SLC38A9: variants seen among roughly 807,000 people sequenced by gnomAD.
The protein encoded by SLC38A9 is neutral amino acid transporter 9.
In SLC38A9, 48 loss-of-function variants were observed where a neutral mutation model predicts 62.3. That is an observed-to-expected ratio of 0.77 (90% CI 0.61 to 0.98). The LOEUF (loss-of-function observed/expected upper bound fraction) is 0.98, where lower values mean the gene tolerates loss of function less well. SLC38A9 is among the 50% of genes least tolerant of loss of function. SLC38A9 has a pLI of 0.00. For missense variants in SLC38A9, 541 were observed against 679.8 expected (o/e 0.80, Z 2.27); for synonymous variants, 204 against 227.7 (o/e 0.90, Z 0.94).
At chr5:55,666,173 T>C (rs1264266412) in intron 7 of SLC38A9, among the ~76,000 whole-genome samples, 1 of 152,100 alleles carries the variant, frequency 6.6e-6, no homozygotes, top group Admixed American at 6.6e-5. Flanking sequence ...AAATACAATA[T>C]GATTAACTTT....
Position 55,652,708 on chromosome 5 carries a change from G to C in SLC38A9, c.773C>G (p.Ala258Gly). 1 of 1,611,210 alleles carries C rather than the reference G, an allele frequency of 6.2e-7. No homozygotes were observed. The highest frequency in any genetic ancestry group is 8.5e-7 in the Non-Finnish European group (1 of 1,178,550). ...GTTGTCAGGATGGCCTCCACTCCCG[G>C]CACTTGGACAAATCACTGCAATAGG... Reference protein sequence around the residue: ...NNSNPVICPSAGSGGHPDNSS... With the variant: ...NNSNPVICPSGGSGGHPDNSS... Residue 258 changes from alanine (A) to glycine (G), a missense_variant, in exon 10 of 16, where the codon GCC becomes GGC. Transcript: ENST00000396865.
chr5:55,700,909 T>C (rs755070901), intron 2 of SLC38A9, among the ~76,000 whole-genome samples: 14 of 152,188 alleles, frequency 9.2e-5, no homozygotes, highest in Non-Finnish European at 1.8e-4. Context: ...ATTTCTCAGA[T>C]CCCTTTACAG....
chr5:55,651,332 C>T (rs113638711), intron 10 of SLC38A9, among the ~76,000 whole-genome samples: 6,066 of 145,114 alleles, frequency 0.042, 199 homozygotes, highest in African/African-American at 0.089. Context: ...CTCACTGCAA[C>T]CTCCACCTCC....
intron 11 of SLC38A9, among the ~76,000 whole-genome samples, chr5:55,648,653 C>G (rs1383944315): frequency 6.6e-6 from 1 of 152,106 alleles, no homozygotes; most frequent in Non-Finnish European, 1.5e-5. Flanking sequence ...AGAAGAAGCA[C>G]TTCAGAAAAG....
chr5:55,696,666 A>C (rs1443450740), intron 3 of SLC38A9: 28 of 31,650 alleles, frequency 8.8e-4, no homozygotes, highest in Non-Finnish European at 1.1e-3. Context: ...GGCGCCCCTC[A>C]CCTCCCGGAC....
intron 3 of SLC38A9, chr5:55,694,046 AT>A: frequency 6.3e-6 from 1 of 158,606 alleles, no homozygotes; most frequent in Non-Finnish European, 1.4e-5. Flanking sequence ...ACAAAATAAA[AT>A]TTAAAAAAAA....
chr5:55,692,597 G>A (rs2150550038), intron 3 of SLC38A9: 1 of 983,094 alleles, frequency 1.0e-6, no homozygotes. Flanking sequence ...TACCTAGGTA[G>A]TTATGCCATG....
At chr5:55,709,611 A>G (rs759752053) in intron 2 of SLC38A9, among the ~76,000 whole-genome samples, 1 of 152,154 alleles carries the variant, frequency 6.6e-6, no homozygotes, top group Non-Finnish European at 1.5e-5. Context: ...AAAATACTAA[A>G]CAATACTATT....
chr5:55,688,671 C>T (rs985269572), intron 3 of SLC38A9, among the ~76,000 whole-genome samples: 7 of 151,324 alleles, frequency 4.6e-5, no homozygotes, highest in East Asian at 3.9e-4. Flanking sequence ...TGAGCCACTG[C>T]GCCCGGCCCT....
chr5:55,679,601 G>GGT (rs1554063549), intron 3 of SLC38A9, among the ~76,000 whole-genome samples: 1 of 149,634 alleles, frequency 6.7e-6, no homozygotes, highest in South Asian at 2.1e-4. Flanking sequence ...TTAGTTTTTT[G>GGT]TTTTTTTTTT....
chr5:55,667,049 A>T (rs1235711737), intron 7 of SLC38A9, among the ~76,000 whole-genome samples: 1 of 128,850 alleles, frequency 7.8e-6, no homozygotes, highest in Admixed American at 7.8e-5. Flanking sequence ...ACAAAAATTA[A>T]CCAGGCGTGG....
chr5:55,682,959 G>A (rs1177567589), intron 3 of SLC38A9, among the ~76,000 whole-genome samples: 1 of 148,036 alleles, frequency 6.8e-6, no homozygotes, highest in Non-Finnish European at 1.5e-5. Context: ...AGGAAGGAAG[G>A]CAGGCAGGCA....
intron 3 of SLC38A9, among the ~76,000 whole-genome samples, chr5:55,683,232 G>A (rs1467450228): frequency 6.6e-6 from 1 of 152,176 alleles, no homozygotes; most frequent in Admixed American, 6.5e-5. Context: ...TTGTTTTACA[G>A]ATGAGGTCTC....
intron 3 of SLC38A9, among the ~76,000 whole-genome samples, chr5:55,675,675 T>G (rs1751995329): frequency 6.6e-6 from 1 of 152,214 alleles, no homozygotes; most frequent in Non-Finnish European, 1.5e-5. Context: ...TGTCTTACCT[T>G]ATAAATATTT....
chr5:55,650,314 G>C (rs1747156799), intron 10 of SLC38A9, among the ~76,000 whole-genome samples: 1 of 152,190 alleles, frequency 6.6e-6, no homozygotes. Context: ...TTATGGAGTA[G>C]AGTCAGAAAA....
Position 55,679,233 on chromosome 5 carries a change from G to T in SLC38A9, c.114-6538C>A, listed in dbSNP as rs537616309. On this transcript the variant is annotated intron_variant, in intron 3 of 15. Transcript: ENST00000396865. Reference sequence around the variant, plus strand: ...TAAGCAGTCTCATTTTTTTAAGATTGTTATTTTTTTTTTAACTAAGTGGCA... The same window carrying T: ...TAAGCAGTCTCATTTTTTTAAGATTTTTATTTTTTTTTTAACTAAGTGGCA... Among the ~76,000 whole-genome samples, 4 of 151,978 alleles carry T rather than the reference G, an allele frequency of 2.6e-5. No homozygotes were observed. The South Asian group carries it at 8.3e-4, about 32-fold the overall frequency.
intron 3 of SLC38A9, among the ~76,000 whole-genome samples, chr5:55,674,486 G>A (rs1367093149): frequency 6.6e-6 from 1 of 152,124 alleles, no homozygotes; most frequent in Non-Finnish European, 1.5e-5. Context: ...GTAAAAGAAT[G>A]AGTTCAGTTC....
chr5:55,710,067 C>CAAAAAAAAAAAAAAAAAAAAAAA (rs1174162436), intron 2 of SLC38A9, among the ~76,000 whole-genome samples: 9 of 20,782 alleles, frequency 4.3e-4, no homozygotes, highest in Non-Finnish European at 5.9e-4. Flanking sequence ...GACTCCATCT[C>CAAAAAAAAAAAAAAAAAAAAAAA]AAAAAAAAAA....
chr5:55,648,870 A>G (rs1056952632), intron 11 of SLC38A9, among the ~76,000 whole-genome samples: 3 of 152,214 alleles, frequency 2.0e-5, no homozygotes, highest in African/African-American at 7.2e-5. Context: ...TACAACTATT[A>G]TATGTCAATA....
Sources: gnomAD v4.1 joint callset for allele counts (sites outside exome capture counted in the v4.1 genomes callset) on GRCh38, gnomAD v4.1.1 for gene constraint, MANE v1.5 for transcripts, NCBI Gene and HGNC (gene_info 2026-07-23, HGNC 2026-07-21) for gene names.